The following ZNF292 variants were observed in gnomAD, a reference collection of about 807,000 sequenced individuals.
The protein encoded by ZNF292 is 16 zinc-finger domain protein.
ZNF292 carries 26 observed loss-of-function variants against 217.9 expected under a neutral mutation model. That is an observed-to-expected ratio of 0.12 (90% CI 0.09 to 0.17). The LOEUF (loss-of-function observed/expected upper bound fraction) is 0.17. Ranked by LOEUF, ZNF292 falls within the 10% of genes least tolerant of loss-of-function variation. The probability of loss-of-function intolerance (pLI) is 1.00; values close to 1 mark genes in which losing one functional copy is unlikely to be tolerated. For missense variants in ZNF292, 2,904 were observed against 3,175.2 expected, an observed-to-expected ratio of 0.91 and a Z score of 2.05; for synonymous variants, 1,257 against 1,124.1, an observed-to-expected ratio of 1.12 and a Z score of -2.37.
intron 1 of ZNF292, among the ~76,000 whole-genome samples, chr6:87,207,333 T>C (rs1197897352): frequency 6.6e-6 from 1 of 152,232 alleles, no homozygotes; most frequent in Non-Finnish European, 1.5e-5. Flanking sequence ...TTTAGCTGCA[T>C]CCTACGAATT....
chr6:87,239,608 C>T (rs1218115149), intron 5 of ZNF292, among the ~76,000 whole-genome samples: 1 of 144,676 alleles, frequency 6.9e-6, no homozygotes, highest in East Asian at 2.1e-4. Context: ...GGCTGCTGGA[C>T]GGAGGGGCTC....
At chr6:87,213,085 G>A (rs1484338798) in intron 1 of ZNF292, among the ~76,000 whole-genome samples, 1 of 152,202 alleles carries the variant, frequency 6.6e-6, no homozygotes, top group African/African-American at 2.4e-5. Context: ...TGATTTTAGA[G>A]GAGGGTTGTA....
chr6:87,187,096 G>A (rs578189053), intron 1 of ZNF292, among the ~76,000 whole-genome samples: 3 of 152,168 alleles, frequency 2.0e-5, no homozygotes, highest in East Asian at 1.9e-4. Flanking sequence ...CAGTGACATT[G>A]CGTTTAATTT....
At chr6:87,219,220 A>G (rs1772950766) in intron 4 of ZNF292, among the ~76,000 whole-genome samples, 1 of 152,144 alleles carries the variant, frequency 6.6e-6, no homozygotes, top group Non-Finnish European at 1.5e-5. Flanking sequence ...TTGAAAGTAG[A>G]TGGCTAAATT....
In ZNF292 at chr6:87,258,556, G is replaced by A. The variant is rs377265584; in HGVS notation, c.4927G>A (p.Ala1643Thr). The change falls in exon 8 of 8, where the codon GCT becomes ACT. Residue 1643 changes from alanine to threonine, a missense_variant. Ala to Thr is a moderately conservative substitution (Grantham distance 58). Around this residue, in one of 15 missense-constraint regions of ZNF292, gnomAD observed 622 missense variants for 573.1 expected, o/e 1.09. Transcript: ENST00000369577. ...TGCTCCTCCACTAATTGCACCTAACGCTTCCCAAAACTTGGTAACAAGTGA... is the reference window on the plus strand; with the variant it reads ...TGCTCCTCCACTAATTGCACCTAACACTTCCCAAAACTTGGTAACAAGTGA... ...KVAPPLIAPNASQNLVTSDLT... is the reference protein window; with the variant it reads ...KVAPPLIAPNTSQNLVTSDLT... 2.5e-5 allele frequency: 40 copies of A among 1,613,582 alleles called. No individual in the cohort carries two copies. The Admixed American group carries it at 3.2e-4, about 13-fold the overall frequency.
intron 4 of ZNF292, among the ~76,000 whole-genome samples, chr6:87,222,521 A>G (rs373600089): frequency 5.3e-5 from 8 of 151,916 alleles, no homozygotes; most frequent in African/African-American, 1.9e-4. Context: ...AGATTATTCA[A>G]TACTGAGGTT....
Position 87,229,061 on chromosome 6 carries a change from C to T in ZNF292, c.539-4264C>T, listed in dbSNP as rs541433499. 2.5e-3 allele frequency among the ~76,000 whole-genome samples: 376 copies of T among 152,280 alleles called. 2 individuals carry two copies. Among genetic ancestry groups the T allele is most frequent in the Non-Finnish European group, 4.3e-3 (291 of 68,008 alleles). On this transcript the variant is annotated intron_variant, in intron 4 of 7. Transcript: ENST00000369577. ...ATCATCCATGAACACAAGATACCTT[C>T]CCAATTATTTATGCATTTCATTTCT...
At chr6:87,157,525 C>T (rs1377479988) in intron 1 of ZNF292, among the ~76,000 whole-genome samples, 1 of 152,128 alleles carries the variant, frequency 6.6e-6, no homozygotes, top group Non-Finnish European at 1.5e-5. Flanking sequence ...CTAATAGTGT[C>T]CACTGATAGT....
chr6:87,247,982 G>T (rs1049943771), intron 7 of ZNF292, among the ~76,000 whole-genome samples: 1 of 152,152 alleles, frequency 6.6e-6, no homozygotes, highest in African/African-American at 2.4e-5. Flanking sequence ...GGTTGTATAT[G>T]TGCTTCCACT....
intron 1 of ZNF292, among the ~76,000 whole-genome samples, chr6:87,180,215 G>A (rs1050492023): frequency 2.0e-5 from 3 of 152,238 alleles, no homozygotes; most frequent in Non-Finnish European, 2.9e-5. Flanking sequence ...GCATTGGCCC[G>A]CATTCAAAGC....
intron 1 of ZNF292, among the ~76,000 whole-genome samples, chr6:87,188,808 T>A (rs1277509590): frequency 6.6e-6 from 1 of 151,324 alleles, no homozygotes; most frequent in Non-Finnish European, 1.5e-5. Context: ...ATAAAAAAAA[T>A]TACTATGGCT....
chr6:87,206,082 C>G (rs1772244625), intron 1 of ZNF292, among the ~76,000 whole-genome samples: 1 of 152,196 alleles, frequency 6.6e-6, no homozygotes, highest in South Asian at 2.1e-4. Context: ...ATCTACCTCT[C>G]ATTACCCTGC....
At position 87,257,547 on chromosome 6, in the gene ZNF292, T is replaced by C; in HGVS notation, c.3918T>C (p.Asn1306=). 6.2e-7 allele frequency: 1 copy of C among 1,607,454 alleles called. No individual in the cohort carries two copies. The highest frequency in any genetic ancestry group is 1.3e-5 in the African/African-American group (1 of 74,994). ...CCTCACAGATTGAAGGAAACACTAA[T>C]TCCTCCTTTCTAAAGGGGGGTAATG... ...HYSSQIEGNT[N]SSFLKGGNGE... The change falls in exon 8 of 8, where the codon AAT becomes AAC. Residue 1306 remains asparagine (N), a synonymous_variant. Coordinates refer to ENST00000369577, the MANE Select transcript of ZNF292 (RefSeq NM_015021.3).
intron 1 of ZNF292, among the ~76,000 whole-genome samples, chr6:87,210,926 G>T (rs572877523): frequency 1.3e-5 from 2 of 151,992 alleles, no homozygotes; most frequent in Non-Finnish European, 2.9e-5. Context: ...AATTTTTTTT[G>T]TTTTAAAAGA....
intron 3 of ZNF292, among the ~76,000 whole-genome samples, chr6:87,217,231 C>T (rs1772833768): frequency 2.0e-5 from 3 of 152,046 alleles, no homozygotes; most frequent in South Asian, 4.1e-4. Flanking sequence ...TATAGTTAGG[C>T]AGAGAAATAA....
At chr6:87,224,701 A>G (rs191990402) in intron 4 of ZNF292, among the ~76,000 whole-genome samples, 21 of 152,316 alleles carry the variant, frequency 1.4e-4, no homozygotes, top group Admixed American at 5.9e-4. Flanking sequence ...TTATATGGCT[A>G]TACCACAGTA....
chr6:87,202,366 G>T (rs1190950685), intron 1 of ZNF292, among the ~76,000 whole-genome samples: 3 of 151,984 alleles, frequency 2.0e-5, no homozygotes, highest in East Asian at 1.9e-4. Context: ...TAAAAAAATA[G>T]AATTGCAGTT....
chr6:87,235,752 T>TC (rs757884863), intron 5 of ZNF292, among the ~76,000 whole-genome samples: 16 of 151,834 alleles, frequency 1.1e-4, no homozygotes, highest in Admixed American at 4.6e-4. Flanking sequence ...ACTATTTCCC[T>TC]CCCCCCCACT....
chr6:87,227,844 G>A (rs896974788), intron 4 of ZNF292, among the ~76,000 whole-genome samples: 26 of 151,872 alleles, frequency 1.7e-4, no homozygotes, highest in South Asian at 1.0e-3. Context: ...TTTATCTGTC[G>A]TAGTTGGACA....
Sources: allele counts gnomAD v4.1 joint callset (sites outside exome capture counted in the v4.1 genomes callset), GRCh38; gene constraint gnomAD v4.1.1; regional missense constraint gnomAD v4.1.1; transcripts MANE v1.5; gene names NCBI Gene and HGNC (gene_info 2026-07-23, HGNC 2026-07-21).